BCL2L13: variants seen among roughly 807,000 people sequenced by gnomAD.
BCL2L13 encodes the protein BCL2 like 13.
A neutral mutation model predicts 25.8 loss-of-function variants in BCL2L13; 13 were observed. The observed-to-expected ratio is 0.50, with a 90% CI of 0.33 to 0.80. The LOEUF is 0.80. BCL2L13 is among the 30% of genes least tolerant of loss of function. BCL2L13 has a pLI of 0.02. For synonymous variants in BCL2L13, 244 were observed against 230.3 expected, an observed-to-expected ratio of 1.06 and a Z score of -0.54; for missense variants, 504 against 574.9, an observed-to-expected ratio of 0.88 and a Z score of 1.26.
Position 17,726,916 on chromosome 22 carries a change from A to C in BCL2L13, c.840A>C (p.Ala280=), listed in dbSNP as rs1449843667. The C allele has an allele frequency of 1.2e-6, 2 of 1,614,224 alleles. No homozygotes were observed. Among genetic ancestry groups the C allele is most frequent in the East Asian group, 4.5e-5 (2 of 44,882 alleles). Residue 280 remains alanine (A), a synonymous_variant, in exon 7 of 7, where the codon GCA becomes GCC. Transcript: ENST00000317582. ...SLGPESWQQI[A]MDPEEVKSLD... ...GCCCTGAGTCCTGGCAGCAGATTGC[A>C]ATGGATCCTGAAGAAGTGAAAAGCT...
Position 17,683,303 on chromosome 22 carries a change from G to T in BCL2L13, c.211G>T (p.Asp71Tyr), listed in dbSNP as rs374780735. The change falls in exon 3 of 7, where the codon GAC becomes TAC. Residue 71 changes from aspartate to tyrosine, a missense_variant. Physicochemically the swap from Asp to Tyr is radical, Grantham distance 160. Coordinates refer to ENST00000317582, the MANE Select transcript of BCL2L13 (RefSeq NM_015367.4). ...AATTGAAGAAGAGCTAAAATCTCTG[G>T]ACAAAGAAATTTCTGAAGGTCTGTT... ...TEIEEELKSL[D>Y]KEISEAFTST... 1 of 1,559,674 alleles carries T rather than the reference G, an allele frequency of 6.4e-7. No individual in the cohort carries two copies. Among genetic ancestry groups the T allele is most frequent in the Non-Finnish European group, 8.7e-7 (1 of 1,143,896 alleles).
rs902499524 is a variant in BCL2L13, at chr22:17,729,278, C to A, written c.*1744C>A. The stretch of plus-strand genomic sequence containing the variant: ...TTTCCAGCTTTATCCTGTAGCGTGT[C>A]TTTGTTCTGTGTTTTAGTGTCCCAT... On this transcript the variant is annotated 3_prime_UTR_variant, in exon 7 of 7. Coordinates refer to ENST00000317582, the MANE Select transcript of BCL2L13 (RefSeq NM_015367.4). 6.6e-6 allele frequency: 1 copy of A among 151,914 alleles called. No homozygotes were observed. Among genetic ancestry groups the A allele is most frequent in the Non-Finnish European group, 1.5e-5 (1 of 67,996 alleles). 9.4% of individuals were successfully genotyped at this position (151,914 alleles called of 1,614,324 possible).
intron 2 of BCL2L13, among the ~76,000 whole-genome samples, chr22:17,668,116 T>C (rs1432059878): frequency 6.6e-5 from 10 of 150,892 alleles, no homozygotes; most frequent in Non-Finnish European, 1.5e-5. Flanking sequence ...CTTCAAGCAA[T>C]TCTTCCACCT....
chr22:17,690,450 C>T (rs1233755651), intron 4 of BCL2L13, among the ~76,000 whole-genome samples: 2 of 152,044 alleles, frequency 1.3e-5, no homozygotes, highest in Non-Finnish European at 2.9e-5. Flanking sequence ...GTGAAATGAG[C>T]AAATGTAAAA....
At chr22:17,714,288 G>T (rs879371981) in intron 6 of BCL2L13, among the ~76,000 whole-genome samples, 1 of 145,730 alleles carries the variant, frequency 6.9e-6, no homozygotes, top group African/African-American at 2.6e-5. Context: ...GTGAGACTCC[G>T]TCTCAAAAAA....
intron 6 of BCL2L13, among the ~76,000 whole-genome samples, chr22:17,726,182 C>T (rs1017879180): frequency 2.6e-5 from 4 of 152,102 alleles, no homozygotes; most frequent in Non-Finnish European, 4.4e-5. Context: ...GAAACCCCAT[C>T]TCTACTAACA....
upstream of BCL2L13, among the ~76,000 whole-genome samples, chr22:17,637,096 G>C (rs1289532853): frequency 1.3e-5 from 2 of 151,470 alleles, no homozygotes; most frequent in African/African-American, 4.8e-5. Context: ...AACATGGTGA[G>C]ACCCCGTCTC....
chr22:17,664,422 C>T lies in BCL2L13; in HGVS notation c.121+8590C>T, dbSNP rs552507336. 2.6e-5 allele frequency among the ~76,000 whole-genome samples: 4 copies of T among 152,182 alleles called. No individual in the cohort carries two copies. In the East Asian group the frequency reaches 5.8e-4, roughly 22 times the overall value. On this transcript the variant is annotated intron_variant, in intron 2 of 6. Transcript: ENST00000317582. ...TTTGCAGCATATATAGCCACCCCCC[C>T]CCGGCTCCTTTCACAGACTGGCATT...
upstream of BCL2L13, among the ~76,000 whole-genome samples, chr22:17,637,561 A>G (rs986638583): frequency 6.6e-6 from 1 of 151,976 alleles, no homozygotes; most frequent in Admixed American, 6.6e-5. Context: ...TTTTTAGTAC[A>G]GATGGGGAGT....
rs750003103 is a variant in BCL2L13, at chr22:17,696,151, T to C, written c.397T>C (p.Tyr133His). Reference protein sequence around the residue: ...LQMLLSQPVTYQAFRECTLET... With the variant: ...LQMLLSQPVTHQAFRECTLET... ...AAAAAATCTCTACAGGCCAGTGACA[T>C]ATCAGGCATTTCGGGAATGTACACT... Residue 133 changes from tyrosine (Y) to histidine (H), a missense_variant, in exon 5 of 7, where the codon TAT becomes CAT. Coordinates refer to ENST00000317582, the MANE Select transcript of BCL2L13 (RefSeq NM_015367.4). 6.2e-7 allele frequency: 1 copy of C among 1,613,620 alleles called. No individual in the cohort carries two copies. The highest frequency in any genetic ancestry group is 8.5e-7 in the Non-Finnish European group (1 of 1,179,548).
At chr22:17,684,975 T>C (rs773576338) in intron 3 of BCL2L13, among the ~76,000 whole-genome samples, 3 of 152,134 alleles carry the variant, frequency 2.0e-5, no homozygotes, top group Non-Finnish European at 4.4e-5. Flanking sequence ...GACCTTGTTT[T>C]CTGCCCGCCT....
At chr22:17,655,880 T>TTATATAAAGTCCTTATTTTA in intron 2 of BCL2L13, 48 bp downstream of exon 2, 1 of 1,532,698 alleles carries the variant, frequency 6.5e-7, no homozygotes, top group African/African-American at 1.4e-5. Context: ...AATAAGGACT[T>TTATATAAAGTCCTTATTTTA]TATATATAAA....
chr22:17,644,805 TC>T (rs2058415673), intron 1 of BCL2L13, among the ~76,000 whole-genome samples: 1 of 150,316 alleles, frequency 6.7e-6, no homozygotes, highest in African/African-American at 2.5e-5. Flanking sequence ...GCTAGGAATT[TC>T]TTTTTTTTTT....
At chr22:17,682,356 T>C (rs1250543944) in intron 2 of BCL2L13, among the ~76,000 whole-genome samples, 3 of 152,040 alleles carry the variant, frequency 2.0e-5, no homozygotes, top group Non-Finnish European at 4.4e-5. Flanking sequence ...GTGGGCAGGG[T>C]TGGGGGAAGA....
chr22:17,649,871 C>CTTTTTTTTTTTTTTTTTTT (rs71201855), intron 1 of BCL2L13, among the ~76,000 whole-genome samples: 1 of 94,390 alleles, frequency 1.1e-5, no homozygotes, highest in African/African-American at 4.0e-5. Context: ...TTTTTCTTTT[C>CTTTTTTTTTTTTTTTTTTT]TTTTTTTTTT....
chr22:17,646,955 A>ATAT (rs768488873), intron 1 of BCL2L13, among the ~76,000 whole-genome samples: 34 of 22,182 alleles, frequency 1.5e-3, no homozygotes, highest in African/African-American at 2.6e-3. Flanking sequence ...ATATATATAT[A>ATAT]TTTTTTTTTT....
At chr22:17,685,412 C>T (rs1023249743) in intron 3 of BCL2L13, among the ~76,000 whole-genome samples, 3 of 151,580 alleles carry the variant, frequency 2.0e-5, no homozygotes, top group African/African-American at 7.3e-5. Flanking sequence ...TTAGTAGAGA[C>T]GGGGTTTCAC....
chr22:17,656,354 T>A (rs1405446893), intron 2 of BCL2L13, among the ~76,000 whole-genome samples: 1 of 112,724 alleles, frequency 8.9e-6, no homozygotes, highest in Non-Finnish European at 1.8e-5. Flanking sequence ...TTTTTTTTTT[T>A]TTTTTTTTTT....
intron 4 of BCL2L13, among the ~76,000 whole-genome samples, chr22:17,694,431 C>T (rs1025065170): frequency 6.6e-6 from 1 of 151,936 alleles, no homozygotes; most frequent in African/African-American, 2.4e-5. Flanking sequence ...CCAGCTAGCA[C>T]TGAGGCTGAG....
Sources: gnomAD v4.1 joint callset for allele counts (sites outside exome capture counted in the v4.1 genomes callset) on GRCh38, gnomAD v4.1.1 for gene constraint, MANE v1.5 for transcripts, NCBI Gene and HGNC (gene_info 2026-07-23, HGNC 2026-07-21) for gene names.